Variants in SORCS1 observed in about 807,000 individuals in gnomAD.
The protein encoded by SORCS1 is sortilin related VPS10 domain containing receptor 1, also known as VPS10 domain-containing receptor SorCS1.
Under a neutral mutation model 146.1 loss-of-function variants are expected in SORCS1, and 60 were observed. That is an observed-to-expected ratio of 0.41 (90% CI 0.33 to 0.51). The LOEUF is 0.51. Among genes scored for constraint, SORCS1 ranks in the 20% least tolerant of loss-of-function variants. The pLI is 0.21. For synonymous variants in SORCS1, 637 were observed against 584.0 expected (o/e 1.09, Z -1.31); for missense variants, 1,352 against 1,487.6 (o/e 0.91, Z 1.50).
chr10:106,779,682 T>G (rs967077805), intron 3 of SORCS1, among the ~76,000 whole-genome samples: 3 of 151,822 alleles, frequency 2.0e-5, no homozygotes, highest in African/African-American at 2.4e-5. Flanking sequence ...AGAGATGGGG[T>G]TCGCCATGTT....
chr10:106,730,005 G>A, intron 6 of SORCS1, 45 bp downstream of exon 6: 2 of 1,583,150 alleles, frequency 1.3e-6, no homozygotes, highest in Non-Finnish European at 1.7e-6. Context: ...CAGAGTCATA[G>A]AACTAATATT....
At chr10:107,032,868 C>G in intron 1 of SORCS1, among the ~76,000 whole-genome samples, 1 of 152,178 alleles carries the variant, frequency 6.6e-6, no homozygotes, top group East Asian at 1.9e-4. Flanking sequence ...CAGTCATCAA[C>G]CTAGCAACAA....
At chr10:106,838,113 C>T (rs1948858837) in intron 2 of SORCS1, among the ~76,000 whole-genome samples, 1 of 152,076 alleles carries the variant, frequency 6.6e-6, no homozygotes, top group African/African-American at 2.4e-5. Flanking sequence ...CTTGTGTTAC[C>T]CAGTGGACTT....
chr10:106,840,862 TA>T (rs67682061), intron 2 of SORCS1, among the ~76,000 whole-genome samples: 35,536 of 122,576 alleles, frequency 0.29, 5,294 homozygotes, highest in Non-Finnish European at 0.36. Context: ...TATATATATA[TA>T]TTTTTTTTTT....
upstream of SORCS1, among the ~76,000 whole-genome samples, chr10:107,167,373 TATA>T (rs1370950489): frequency 6.6e-6 from 1 of 151,338 alleles, no homozygotes; most frequent in Admixed American, 6.6e-5. Flanking sequence ...ATTAATATAA[TATA>T]ATAAGAATGA....
intron 1 of SORCS1, among the ~76,000 whole-genome samples, chr10:107,162,960 T>G (rs562638323): frequency 2.6e-5 from 4 of 152,372 alleles, no homozygotes; most frequent in Non-Finnish European, 5.9e-5. Context: ...TTCCACACTT[T>G]AAAATCACTT....
Position 106,667,814 on chromosome 10 carries a change from G to C in SORCS1, c.2190-12C>G. 1 of 1,610,086 alleles carries C rather than the reference G, an allele frequency of 6.2e-7. No individual in the cohort carries two copies. Among genetic ancestry groups the C allele is most frequent in the Non-Finnish European group, 8.5e-7 (1 of 1,177,714 alleles). ...CATAACCATAGTCGCTGTTAGGAAAGAGCCGAGAAAAACCTTTCACTAGGT... is the reference window on the plus strand; with the variant it reads ...CATAACCATAGTCGCTGTTAGGAAACAGCCGAGAAAAACCTTTCACTAGGT... On this transcript the variant is annotated splice_polypyrimidine_tract_variant and intron_variant, in intron 16 of 25. Coordinates refer to ENST00000263054, the MANE Select transcript of SORCS1 (RefSeq NM_052918.5).
At chr10:107,110,242 T>C (rs1965600834) in intron 1 of SORCS1, among the ~76,000 whole-genome samples, 1 of 152,220 alleles carries the variant, frequency 6.6e-6, no homozygotes, top group African/African-American at 2.4e-5. Flanking sequence ...TTTTCAGGTA[T>C]CTTTATAGCA....
intron 10 of SORCS1, among the ~76,000 whole-genome samples, chr10:106,686,881 A>G (rs1852888546): frequency 2.0e-5 from 3 of 152,186 alleles, no homozygotes; most frequent in Admixed American, 6.5e-5. Flanking sequence ...GATGGAAGGA[A>G]GCAAGCTGAG....
At chr10:106,673,085 A>G (rs1851729182) in intron 14 of SORCS1, 100 bp from the exon 15 acceptor site, 3 of 830,662 alleles carry the variant, frequency 3.6e-6, no homozygotes, top group African/African-American at 3.4e-5. Context: ...AGCTAAGCAC[A>G]TTACATGAAT....
chr10:106,775,238 A>T (rs1242533923), intron 4 of SORCS1, among the ~76,000 whole-genome samples: 1 of 152,218 alleles, frequency 6.6e-6, no homozygotes, highest in Admixed American at 6.5e-5. Context: ...GGATTAAATG[A>T]CTAATACTCT....
At chr10:107,148,324 G>A (rs1968503109) in intron 1 of SORCS1, among the ~76,000 whole-genome samples, 1 of 152,216 alleles carries the variant, frequency 6.6e-6, no homozygotes, top group Admixed American at 6.5e-5. Context: ...TACGGTCTCT[G>A]TCACAACTAT....
At chr10:106,688,406 A>T in intron 9 of SORCS1, 68 bp from the exon 10 acceptor site, 1 of 1,552,660 alleles carries the variant, frequency 6.4e-7, no homozygotes, top group Non-Finnish European at 8.7e-7. Context: ...TACTTTTTAA[A>T]AAAAGAAGGC....
At chr10:107,078,388 A>C (rs1963058579) in intron 1 of SORCS1, among the ~76,000 whole-genome samples, 1 of 152,232 alleles carries the variant, frequency 6.6e-6, no homozygotes, top group Non-Finnish European at 1.5e-5. Context: ...ATTAGAAATG[A>C]GAAGCTAATT....
At chr10:106,982,190 C>G (rs1956270846) in intron 1 of SORCS1, among the ~76,000 whole-genome samples, 2 of 152,186 alleles carry the variant, frequency 1.3e-5, no homozygotes. Flanking sequence ...TAGGCCATTA[C>G]TGAAATTTAG....
intron 25 of SORCS1, chr10:106,578,513 C>T: frequency 7.0e-6 from 2 of 285,720 alleles, no homozygotes; most frequent in Non-Finnish European, 1.1e-5. Context: ...GCCTCTTGTC[C>T]TCAATCTTAG....
chr10:107,175,871 G>T, the SORCS1 span, among the ~76,000 whole-genome samples: 1 of 151,992 alleles, frequency 6.6e-6, no homozygotes, highest in East Asian at 1.9e-4. Context: ...CTATCTGTTA[G>T]ATCTATATTA....
intron 2 of SORCS1, among the ~76,000 whole-genome samples, chr10:106,890,446 G>A (rs1951183596): frequency 6.6e-6 from 1 of 152,050 alleles, no homozygotes; most frequent in Non-Finnish European, 1.5e-5. Flanking sequence ...TTTCCTCAGT[G>A]GAGCCTTATT....
At chr10:106,993,833 G>A (rs12241196) in intron 1 of SORCS1, among the ~76,000 whole-genome samples, 28,185 of 151,970 alleles carry the variant, frequency 0.19, 8,025 homozygotes, top group African/African-American at 0.61. Context: ...CTACACTTTG[G>A]GAGGCTGAGG....
Sources: allele counts gnomAD v4.1 joint callset (sites outside exome capture counted in the v4.1 genomes callset), GRCh38; gene constraint gnomAD v4.1.1; transcripts MANE v1.5; gene names NCBI Gene and HGNC (gene_info 2026-07-23, HGNC 2026-07-21).